Variants in ZC3H12B observed in about 807,000 individuals in gnomAD.
The protein encoded by ZC3H12B is probable ribonuclease ZC3H12B.
Under a neutral mutation model 43.9 loss-of-function variants are expected in ZC3H12B, and 7 were observed. The ratio of observed to expected loss-of-function variants is 0.16; its 90% CI spans 0.09 to 0.30. The LOEUF is 0.30. Among genes scored for constraint, ZC3H12B ranks in the 10% least tolerant of loss-of-function variants. The pLI is 1.00. For missense variants in ZC3H12B, 475 were observed against 670.2 expected (o/e 0.71, Z 3.22); for synonymous variants, 222 against 241.7 (o/e 0.92, Z 0.76).
At chrX:65,158,626 T>G in the ZC3H12B span, among the ~76,000 whole-genome samples, 8 of 111,872 alleles carry the variant, frequency 7.2e-5, no homozygotes, top group Non-Finnish European at 1.3e-4. Context: ...GTTGTTTGTT[T>G]TTTTCTTGTA....
chrX:65,156,193 T>C, the ZC3H12B span, among the ~76,000 whole-genome samples: 2 of 110,965 alleles, frequency 1.8e-5, no homozygotes, highest in East Asian at 5.7e-4. Flanking sequence ...TCTCCTGCTC[T>C]TTTTATTTTT....
the ZC3H12B span, among the ~76,000 whole-genome samples, chrX:65,096,794 AAAT>A: frequency 9.0e-6 from 1 of 111,730 alleles, no homozygotes; most frequent in Non-Finnish European, 1.9e-5. Flanking sequence ...TTTTTGTAAA[AAAT>A]AATCGTTTTT....
the ZC3H12B span, among the ~76,000 whole-genome samples, chrX:65,158,666 A>T: frequency 9.0e-6 from 1 of 110,849 alleles, no homozygotes; most frequent in African/African-American, 3.3e-5. Context: ...TAGATTCTGG[A>T]TATTAGCCCT....
chrX:65,147,331 G>A, the ZC3H12B span, among the ~76,000 whole-genome samples: 1 of 111,390 alleles, frequency 9.0e-6, no homozygotes, highest in African/African-American at 3.3e-5. Context: ...AGTTGGATGG[G>A]CCCAGTGCCT....
At chrX:65,466,093 C>A (rs2067814103) in intron 3 of ZC3H12B, among the ~76,000 whole-genome samples, 1 of 110,322 alleles carries the variant, frequency 9.1e-6, no homozygotes, top group Non-Finnish European at 1.9e-5. Context: ...TACATTAGAT[C>A]ACCAGAACTT....
chrX:65,167,704 C>T, the ZC3H12B span, among the ~76,000 whole-genome samples: 2 of 111,567 alleles, frequency 1.8e-5, no homozygotes, highest in Non-Finnish European at 3.8e-5. Context: ...TTGTTTGTGT[C>T]CTCTTTTATT....
At chrX:65,136,292 T>C in the ZC3H12B span, among the ~76,000 whole-genome samples, 1 of 111,297 alleles carries the variant, frequency 9.0e-6, no homozygotes, top group Admixed American at 9.6e-5. Flanking sequence ...GGGAGGGCCA[T>C]TCATGACTCC....
the ZC3H12B span, among the ~76,000 whole-genome samples, chrX:65,360,971 C>T: frequency 9.0e-6 from 1 of 111,386 alleles, no homozygotes; most frequent in South Asian, 3.7e-4. Context: ...ATAATATTTC[C>T]CTTTTTTATA....
At chrX:65,272,743 A>G in the ZC3H12B span, 1 of 112,172 alleles carries the variant, frequency 8.9e-6, no homozygotes, top group Non-Finnish European at 1.9e-5. Flanking sequence ...ATTGAGAGGT[A>G]TAGAATCCTA....
chrX:65,134,464 G>A, the ZC3H12B span, among the ~76,000 whole-genome samples: 10 of 111,685 alleles, frequency 9.0e-5, no homozygotes, highest in African/African-American at 2.6e-4. Flanking sequence ...CTACTAGAGA[G>A]GAAAAAGAAC....
At chrX:65,163,580 C>T in the ZC3H12B span, among the ~76,000 whole-genome samples, 1 of 111,668 alleles carries the variant, frequency 9.0e-6, no homozygotes, top group Non-Finnish European at 1.9e-5. Context: ...GAGCTATGTG[C>T]GGGATATAAT....
At chrX:65,176,162 C>G in the ZC3H12B span, among the ~76,000 whole-genome samples, 2 of 111,982 alleles carry the variant, frequency 1.8e-5, no homozygotes, top group Non-Finnish European at 3.8e-5. Flanking sequence ...GCTGCCAGGA[C>G]AGCAGTCTGA....
At chrX:65,212,209 T>G in the ZC3H12B span, among the ~76,000 whole-genome samples, 1 of 48,415 alleles carries the variant, frequency 2.1e-5, no homozygotes, top group Admixed American at 4.2e-4. Flanking sequence ...AATTATTATA[T>G]AATATATTAT....
intron 3 of ZC3H12B, among the ~76,000 whole-genome samples, chrX:65,421,807 G>C (rs911377179): frequency 1.8e-5 from 2 of 111,092 alleles, no homozygotes; most frequent in Non-Finnish European, 3.8e-5. Flanking sequence ...AAATTAGCTG[G>C]GCGTGGTGGC....
At chrX:65,162,988 C>G in the ZC3H12B span, among the ~76,000 whole-genome samples, 3 of 112,286 alleles carry the variant, frequency 2.7e-5, no homozygotes, top group Non-Finnish European at 3.8e-5. Context: ...TTGTAACAGA[C>G]AAGACCTTCA....
chrX:65,257,769 C>G, the ZC3H12B span, among the ~76,000 whole-genome samples: 1 of 110,631 alleles, frequency 9.0e-6, no homozygotes, highest in Non-Finnish European at 1.9e-5. Flanking sequence ...TGCACACAAA[C>G]TAGAAAACCT....
the ZC3H12B span, among the ~76,000 whole-genome samples, chrX:65,227,580 T>A: frequency 9.0e-6 from 1 of 111,109 alleles, no homozygotes; most frequent in Non-Finnish European, 1.9e-5. Flanking sequence ...TTCAAAAAAT[T>A]AATGAATCCA....
intron 2 of ZC3H12B, among the ~76,000 whole-genome samples, chrX:65,386,065 T>C (rs1602357333): frequency 8.9e-6 from 1 of 112,265 alleles, no homozygotes; most frequent in Non-Finnish European, 1.9e-5. Flanking sequence ...TATTGAAGAT[T>C]TGTGCATTGA....
chrX:65,155,721 G>A, the ZC3H12B span, among the ~76,000 whole-genome samples: 119 of 110,880 alleles, frequency 1.1e-3, no homozygotes, highest in African/African-American at 3.5e-3. Flanking sequence ...TTAGCCAGGC[G>A]TGGTGGCAGG....
Sources: gnomAD v4.1 joint callset for allele counts (sites outside exome capture counted in the v4.1 genomes callset) on GRCh38, gnomAD v4.1.1 for gene constraint, MANE v1.5 for transcripts, NCBI Gene and HGNC (gene_info 2026-07-23, HGNC 2026-07-21) for gene names.